Variants in BTBD7 observed in about 807,000 individuals in gnomAD.
BTBD7 encodes the protein BTB domain containing 7, also known as BTB/POZ domain-containing protein 7.
A neutral mutation model predicts 99.9 loss-of-function variants in BTBD7; 38 were observed. The observed-to-expected ratio is 0.38, with a 90% CI of 0.29 to 0.50. The LOEUF (loss-of-function observed/expected upper bound fraction) is 0.50, where lower values mean the gene tolerates loss of function less well. BTBD7 is among the 20% of genes least tolerant of loss of function. The pLI is 0.93. For missense variants in BTBD7, 1,170 were observed against 1,394.6 expected (o/e 0.84, Z 2.57); for synonymous variants, 520 against 511.4 (o/e 1.02, Z -0.23).
At chr14:93,308,421 C>T (rs2053097591) in intron 1 of BTBD7, among the ~76,000 whole-genome samples, 1 of 151,842 alleles carries the variant, frequency 6.6e-6, no homozygotes, top group Non-Finnish European at 1.5e-5. Context: ...TTTCCATAAG[C>T]AATAAAGTAA....
chr14:93,330,408 G>C (rs1292806388), intron 1 of BTBD7, among the ~76,000 whole-genome samples: 1 of 151,918 alleles, frequency 6.6e-6, no homozygotes, highest in Non-Finnish European at 1.5e-5. Flanking sequence ...ACAATCTCTC[G>C]GTAAATCTAA....
In BTBD7 at chr14:93,248,700, A is replaced by C. The variant is rs1000018635; in HGVS notation, c.1943-46T>G. ...GGCAAGCAAAATTCCTGAGCTACAC[A>C]AAAGACGACCCCGTGAGCCCAAGGG... On this transcript the variant is annotated intron_variant, in intron 8 of 10. Coordinates refer to ENST00000334746, the MANE Select transcript of BTBD7 (RefSeq NM_001002860.4). 2.0e-6 allele frequency: 3 copies of C among 1,509,602 alleles called. No individual in the cohort carries two copies. In the African/African-American group the frequency reaches 4.2e-5, roughly 21 times the overall value. The allele number at this position is 1,509,602 out of a possible 1,614,324, so 93.5% of individuals were successfully genotyped here. A position where few individuals can be genotyped will look rare whatever the true frequency, so the allele number is the denominator to read the frequency against.
intron 6 of BTBD7, chr14:93,256,966 A>C (rs779378736): frequency 2.1e-6 from 1 of 485,590 alleles, no homozygotes; most frequent in Non-Finnish European, 3.6e-6. Context: ...ATGCTCTTGC[A>C]TGAGTAAGAC....
intron 1 of BTBD7, among the ~76,000 whole-genome samples, chr14:93,319,746 G>A (rs1196857469): frequency 1.3e-5 from 2 of 152,134 alleles, no homozygotes; most frequent in Non-Finnish European, 2.9e-5. Flanking sequence ...TGTACCTATA[G>A]TCAACAATAA....
chr14:93,251,850 C>T (rs751433476), intron 7 of BTBD7, among the ~76,000 whole-genome samples, 198 bp from the exon 8 acceptor site: 2 of 152,130 alleles, frequency 1.3e-5, no homozygotes, highest in African/African-American at 4.8e-5. Context: ...TTTGAAAAGA[C>T]ACAACCATCT....
chr14:93,302,578 G>A (rs2053017574), intron 1 of BTBD7, among the ~76,000 whole-genome samples: 1 of 152,212 alleles, frequency 6.6e-6, no homozygotes, highest in Non-Finnish European at 1.5e-5. Context: ...CGGGAGCGAT[G>A]GCTCAAGCCT....
At chr14:93,293,016 G>C (rs946973525) in intron 3 of BTBD7, among the ~76,000 whole-genome samples, 2 of 151,994 alleles carry the variant, frequency 1.3e-5, no homozygotes, top group African/African-American at 4.8e-5. Flanking sequence ...ATATGCATTA[G>C]CTAAATTTCT....
At chr14:93,332,732 A>G (rs1268914380) in intron 1 of BTBD7, 88 bp downstream of exon 1, 13 of 1,387,242 alleles carry the variant, frequency 9.4e-6, no homozygotes, top group Non-Finnish European at 1.2e-5. Flanking sequence ...CCCACGCCTA[A>G]GAACAGCCCC....
At chr14:93,305,437 A>G (rs2053058773) in intron 1 of BTBD7, among the ~76,000 whole-genome samples, 1 of 152,236 alleles carries the variant, frequency 6.6e-6, no homozygotes, top group Admixed American at 6.5e-5. Context: ...TTAGCTATAA[A>G]AGACCCTCTC....
intron 1 of BTBD7, among the ~76,000 whole-genome samples, chr14:93,309,024 A>G (rs892179613): frequency 6.6e-6 from 1 of 152,188 alleles, no homozygotes; most frequent in Non-Finnish European, 1.5e-5. Context: ...AAATGGAAAA[A>G]ACCTCACAAA....
intron 1 of BTBD7, among the ~76,000 whole-genome samples, chr14:93,314,874 C>A: frequency 6.6e-6 from 1 of 152,152 alleles, no homozygotes; most frequent in Non-Finnish European, 1.5e-5. Context: ...AACTGATATT[C>A]ATTAGTCCCC....
At chr14:93,285,749 T>C (rs1425226489) in intron 3 of BTBD7, among the ~76,000 whole-genome samples, 3 of 152,218 alleles carry the variant, frequency 2.0e-5, no homozygotes, top group African/African-American at 7.2e-5. Context: ...ATGTGCTCCT[T>C]CTTTGGAGAC....
chr14:93,288,005 T>A (rs1209021676), intron 3 of BTBD7: 1 of 153,002 alleles, frequency 6.5e-6, no homozygotes, highest in Admixed American at 6.5e-5. Flanking sequence ...TTAAAATAAT[T>A]TTCCATCAGC....
Position 93,242,961 on chromosome 14 carries a change from G to C in BTBD7, c.2711C>G (p.Ala904Gly), listed in dbSNP as rs2052253224. 2 of 1,613,994 alleles carry C rather than the reference G, an allele frequency of 1.2e-6. No homozygotes were observed. Among genetic ancestry groups the C allele is most frequent in the African/African-American group, 1.3e-5 (1 of 74,886 alleles). The change falls in exon 11 of 11, where the codon GCA (alanine) becomes GGA (glycine). Residue 904 changes from alanine to glycine, a missense_variant. Ala to Gly is a moderately conservative substitution (Grantham distance 60, BLOSUM62 0). This residue lies in a region of BTBD7 where 495 missense variants were observed against 525.9 expected (regional missense o/e 0.94). Transcript: ENST00000334746. ...DTELSQSVSE[A>G]GPGPPQHLSC... is the part of the protein sequence containing the mutation. Reference sequence around the variant, plus strand: ...CAGATGCTGGGGAGGCCCTGGTCCTGCTTCAGAAACTGACTGGCTTAATTC... The same window carrying C: ...CAGATGCTGGGGAGGCCCTGGTCCTCCTTCAGAAACTGACTGGCTTAATTC...
rs750013529 is a variant in BTBD7, at chr14:93,242,337, G to T, written c.3335C>A (p.Ser1112Ter). Reference sequence around the variant, plus strand: ...TGGTGACCTCCTTCCTCTGCTTATTGAATCTTCCCTTTCCAAATCTGTATT... The same window carrying T: ...TGGTGACCTCCTTCCTCTGCTTATTTAATCTTCCCTTTCCAAATCTGTATT... ...QRNTDLEREDSISRGRRSPSK... is the reference protein window; with the variant it reads ...QRNTDLERED The change falls in exon 11 of 11, where the codon TCA (serine) becomes TAA (stop). Residue 1112 changes from serine to a stop codon, truncating the protein, a stop_gained. Coordinates refer to ENST00000334746, the MANE Select transcript of BTBD7 (RefSeq NM_001002860.4). LOFTEE classifies it high-confidence loss of function. 3.7e-6 allele frequency: 6 copies of T among 1,614,042 alleles called. No homozygotes were observed. The highest frequency in any genetic ancestry group is 3.3e-5 in the South Asian group (3 of 91,088).
intron 1 of BTBD7, among the ~76,000 whole-genome samples, chr14:93,302,071 G>C (rs976405205): frequency 6.6e-6 from 1 of 152,158 alleles, no homozygotes; most frequent in Non-Finnish European, 1.5e-5. Context: ...TCTTGAGTAC[G>C]AGTTAACTGG....
Position 93,251,549 on chromosome 14 carries a change from A to G in BTBD7, c.1856T>C (p.Val619Ala), listed in dbSNP as rs201446885. 5.6e-6 allele frequency: 9 copies of G among 1,614,068 alleles called. No individual in the cohort carries two copies. In the African/African-American group the frequency reaches 9.3e-5, roughly 17 times the overall value. Residue 619 changes from valine (V) to alanine (A), a missense_variant, in exon 8 of 11, where the codon GTG becomes GCG. Physicochemically the swap from Val to Ala is moderately conservative, Grantham distance 64. Coordinates refer to ENST00000334746, the MANE Select transcript of BTBD7 (RefSeq NM_001002860.4). ...PDTLYMVNNA[V>A]PQCCHMISHQ... ...GCTGATCATGTGACAACACTGTGGC[A>G]CGGCATTATTGACCATGTAGAGCGT...
At chr14:93,300,704 TTGTGTGTG>T (rs57228905) in intron 1 of BTBD7, among the ~76,000 whole-genome samples, 4,086 of 86,936 alleles carry the variant, frequency 0.047, 198 homozygotes, top group Non-Finnish European at 0.06. Context: ...CCCAGCTAAT[TTGTGTGTG>T]TGTGTGTGTG....
chr14:93,279,750 G>A (rs780611923), intron 3 of BTBD7, among the ~76,000 whole-genome samples: 6 of 152,134 alleles, frequency 3.9e-5, no homozygotes, highest in Non-Finnish European at 8.8e-5. Flanking sequence ...GTTTCACCAT[G>A]TTGGCCAGAC....
Sources: allele counts gnomAD v4.1 joint callset (sites outside exome capture counted in the v4.1 genomes callset), GRCh38; gene constraint gnomAD v4.1.1; regional missense constraint gnomAD v4.1.1; transcripts MANE v1.5; gene names NCBI Gene and HGNC (gene_info 2026-07-23, HGNC 2026-07-21).